SMOC2: variants seen among roughly 807,000 people sequenced by gnomAD.
The protein encoded by SMOC2 is SPARC-related modular calcium-binding protein 2.
A neutral mutation model predicts 61.4 loss-of-function variants in SMOC2; 39 were observed. That is an observed-to-expected ratio of 0.64 (90% CI 0.49 to 0.83). The LOEUF is 0.83. SMOC2 is among the 40% of genes least tolerant of loss of function. The pLI is 0.00. For synonymous variants in SMOC2, 247 were observed against 239.9 expected (o/e 1.03, Z -0.27); for missense variants, 556 against 592.9 (o/e 0.94, Z 0.65).
chr6:168,459,980 T>A (rs1425480306), intron 1 of SMOC2, among the ~76,000 whole-genome samples: 1 of 152,168 alleles, frequency 6.6e-6, no homozygotes, highest in African/African-American at 2.4e-5. Flanking sequence ...TTCCTTCAAG[T>A]GATAGGCTTC....
chr6:168,457,641 C>A lies in SMOC2; in HGVS notation c.84+16187C>A, dbSNP rs9456118. 4.4e-3 allele frequency among the ~76,000 whole-genome samples: 672 copies of A among 152,258 alleles called. 7 individuals carry two copies. The highest frequency in any genetic ancestry group is 0.014 in the African/African-American group (589 of 41,542). ...CTGCCGGGGTGGGAGCCTGGCCTCGCACTCGCTGCAGCCCCGGCCCAGACC... is the reference window on the plus strand; with the variant it reads ...CTGCCGGGGTGGGAGCCTGGCCTCGAACTCGCTGCAGCCCCGGCCCAGACC... On this transcript the variant is annotated intron_variant, in intron 1 of 12. Transcript: ENST00000356284.
intron 7 of SMOC2, among the ~76,000 whole-genome samples, chr6:168,579,327 A>T (rs1412239587): frequency 6.6e-6 from 1 of 152,214 alleles, no homozygotes; most frequent in Admixed American, 6.5e-5. Flanking sequence ...CCCTCTGGCT[A>T]TTGGCTTATG....
intron 11 of SMOC2, among the ~76,000 whole-genome samples, chr6:168,663,510 A>T (rs1787574763): frequency 6.6e-6 from 1 of 152,206 alleles, no homozygotes; most frequent in African/African-American, 2.4e-5. Context: ...TCTAGAATTC[A>T]GCTCTCCAGG....
intron 1 of SMOC2, among the ~76,000 whole-genome samples, chr6:168,483,204 C>A (rs77329057): frequency 0.081 from 12,324 of 151,566 alleles, 540 homozygotes; most frequent in Non-Finnish European, 0.094. Flanking sequence ...CACACACACA[C>A]AAAAAAACTT....
intron 9 of SMOC2, among the ~76,000 whole-genome samples, chr6:168,641,567 T>G (rs944490611): frequency 6.6e-6 from 1 of 152,236 alleles, no homozygotes; most frequent in Non-Finnish European, 1.5e-5. Context: ...TTATTAGCTG[T>G]GATAAATTCC....
chr6:168,488,423 T>C (rs1782385503), intron 1 of SMOC2, among the ~76,000 whole-genome samples: 1 of 152,234 alleles, frequency 6.6e-6, no homozygotes, highest in Non-Finnish European at 1.5e-5. Flanking sequence ...AGAAACTCAC[T>C]CAGTTCTGGA....
At chr6:168,442,301 TC>T (rs1196240811) in intron 1 of SMOC2, among the ~76,000 whole-genome samples, 1 of 152,206 alleles carries the variant, frequency 6.6e-6, no homozygotes, top group East Asian at 1.9e-4. Flanking sequence ...AGCTGTAACT[TC>T]TATGCGACAG....
chr6:168,491,930 A>G (rs1190748762), intron 1 of SMOC2, among the ~76,000 whole-genome samples: 2 of 152,114 alleles, frequency 1.3e-5, no homozygotes, highest in Non-Finnish European at 2.9e-5. Flanking sequence ...ATTTTTAACC[A>G]TTTTCGAGCC....
intron 9 of SMOC2, among the ~76,000 whole-genome samples, chr6:168,643,359 C>A (rs1786941405): frequency 6.6e-6 from 1 of 152,170 alleles, no homozygotes; most frequent in Non-Finnish European, 1.5e-5. Flanking sequence ...GGGTTTTGGG[C>A]CCCTGTCAGT....
intron 12 of SMOC2, chr6:168,664,684 T>A (rs1169724824): frequency 2.1e-6 from 1 of 470,480 alleles, no homozygotes; most frequent in African/African-American, 2.0e-5. Flanking sequence ...CTGCTGTGTG[T>A]TCACAAACAT....
intron 9 of SMOC2, among the ~76,000 whole-genome samples, chr6:168,629,270 C>T (rs1017284993): frequency 1.3e-5 from 2 of 152,234 alleles, no homozygotes; most frequent in Admixed American, 6.5e-5. Flanking sequence ...GACAGGTCCT[C>T]ATCGCCCCCA....
chr6:168,562,724 C>A (rs1343000784), intron 7 of SMOC2, among the ~76,000 whole-genome samples: 1 of 152,144 alleles, frequency 6.6e-6, no homozygotes, highest in African/African-American at 2.4e-5. Context: ...GAAATGCACT[C>A]ACATTTCAGA....
intron 7 of SMOC2, among the ~76,000 whole-genome samples, chr6:168,584,778 G>C (rs750063827): frequency 7.9e-5 from 12 of 152,156 alleles, no homozygotes; most frequent in Non-Finnish European, 1.8e-4. Flanking sequence ...CATCGATGTA[G>C]AGTGAGATGC....
At chr6:168,503,552 T>C (rs1404995783) in intron 1 of SMOC2, among the ~76,000 whole-genome samples, 2 of 152,178 alleles carry the variant, frequency 1.3e-5, no homozygotes, top group Non-Finnish European at 2.9e-5. Flanking sequence ...CGTCCACATA[T>C]GAAAGAGCTC....
intron 4 of SMOC2, among the ~76,000 whole-genome samples, chr6:168,532,530 C>A (rs1783633734): frequency 1.3e-5 from 1 of 75,566 alleles, no homozygotes; most frequent in African/African-American, 3.1e-5. Flanking sequence ...TGTTTGCAAC[C>A]CATTCTCCAG....
At chr6:168,584,013 G>A (rs780907432) in intron 7 of SMOC2, among the ~76,000 whole-genome samples, 13 of 152,160 alleles carry the variant, frequency 8.5e-5, no homozygotes, top group Non-Finnish European at 1.6e-4. Context: ...AGAGGCCATC[G>A]GAGGTAAACA....
intron 4 of SMOC2, among the ~76,000 whole-genome samples, chr6:168,542,599 C>T (rs1268248182): frequency 6.6e-6 from 1 of 152,082 alleles, no homozygotes; most frequent in Non-Finnish European, 1.5e-5. Flanking sequence ...GCGCTGTGTT[C>T]CTTCATAGGA....
Position 168,643,951 on chromosome 6 carries a change from A to G in SMOC2, c.908-6730A>G, listed in dbSNP as rs998258917. 5.9e-5 allele frequency among the ~76,000 whole-genome samples: 9 copies of G among 152,332 alleles called. No homozygotes were observed. In the East Asian group the frequency reaches 1.7e-3, roughly 29 times the overall value. On this transcript the variant is annotated intron_variant, in intron 9 of 12. Coordinates refer to ENST00000356284, the MANE Select transcript of SMOC2 (RefSeq NM_001166412.2). ...CCTGCCTCTGTGAACCCCGTCACAC[A>G]TGTGACACTCCCTGGACCACACAGC...
At chr6:168,598,272 A>G (rs1241950272) in intron 7 of SMOC2, among the ~76,000 whole-genome samples, 1 of 152,234 alleles carries the variant, frequency 6.6e-6, no homozygotes, top group African/African-American at 2.4e-5. Context: ...ATTTTCTTAC[A>G]AGTCTCCCCC....
Sources: allele counts gnomAD v4.1 joint callset (sites outside exome capture counted in the v4.1 genomes callset), GRCh38; gene constraint gnomAD v4.1.1; transcripts MANE v1.5; gene names NCBI Gene and HGNC (gene_info 2026-07-23, HGNC 2026-07-21).